Variants in CCBE1 observed in about 807,000 individuals in gnomAD.
The protein encoded by CCBE1 is collagen and calcium binding EGF domains 1, also known as collagen and calcium-binding EGF domain-containing protein 1.
In CCBE1, 37 loss-of-function variants were observed where a neutral mutation model predicts 50.0. The observed-to-expected ratio is 0.74, with a 90% CI of 0.57 to 0.97. The LOEUF is 0.97. Among genes scored for constraint, CCBE1 ranks in the 50% least tolerant of loss-of-function variants. The pLI, the probability that CCBE1 is intolerant of heterozygous loss-of-function variation, is 0.00. For synonymous variants in CCBE1, 234 were observed against 203.7 expected (o/e 1.15, Z -1.27); for missense variants, 538 against 523.8 (o/e 1.03, Z -0.26).
intron 2 of CCBE1, among the ~76,000 whole-genome samples, chr18:59,484,553 C>G (rs1447304422): frequency 6.6e-6 from 1 of 152,218 alleles, no homozygotes; most frequent in Non-Finnish European, 1.5e-5. Context: ...GAGTAAGAAG[C>G]AACCTGTCAT....
At chr18:59,460,110 C>T (rs1183741342) in intron 5 of CCBE1, among the ~76,000 whole-genome samples, 5 of 152,178 alleles carry the variant, frequency 3.3e-5, no homozygotes, top group South Asian at 4.1e-4. Flanking sequence ...AAACTGGCTC[C>T]GGCTACATAT....
rs141490359 is a variant in CCBE1 at position 59,531,573 on chromosome 18, T to A, written c.213-51335A>T. On this transcript the variant is annotated intron_variant, in intron 2 of 10. Coordinates refer to ENST00000439986, the MANE Select transcript of CCBE1 (RefSeq NM_133459.4). Reference sequence around the variant, plus strand: ...GACCAGCCTGGGCAACACAGCGAGATCCTATCTCTACAAAAAATTTAAAAA... The same window carrying A: ...GACCAGCCTGGGCAACACAGCGAGAACCTATCTCTACAAAAAATTTAAAAA... Among the ~76,000 whole-genome samples the A allele has an allele frequency of 2.3e-3, 345 of 152,030 alleles. 7 individuals are homozygous for A. In the East Asian group the frequency reaches 0.052, roughly 23 times the overall value.
chr18:59,493,740 AG>A (rs1913220319), intron 2 of CCBE1, among the ~76,000 whole-genome samples: 1 of 152,186 alleles, frequency 6.6e-6, no homozygotes. Flanking sequence ...GGATATGCTT[AG>A]TGGTATGGTT....
intron 2 of CCBE1, among the ~76,000 whole-genome samples, chr18:59,515,529 A>G (rs1271352002): frequency 6.6e-6 from 1 of 152,212 alleles, no homozygotes; most frequent in Admixed American, 6.5e-5. Flanking sequence ...AACGCACGAT[A>G]TTTTGAGTCT....
intron 2 of CCBE1, among the ~76,000 whole-genome samples, chr18:59,510,689 T>C (rs1914093756): frequency 6.6e-6 from 1 of 152,216 alleles, no homozygotes; most frequent in African/African-American, 2.4e-5. Context: ...CCCAAAGTGC[T>C]GGGATTACAG....
intron 5 of CCBE1, chr18:59,459,113 G>T (rs1422132487): frequency 6.6e-6 from 1 of 152,190 alleles, no homozygotes; most frequent in African/African-American, 2.4e-5. Flanking sequence ...ACAGTGCCCA[G>T]CTTATGTTAA....
intron 2 of CCBE1, among the ~76,000 whole-genome samples, chr18:59,692,952 C>CAA (rs1329724694): frequency 2.9e-5 from 3 of 105,016 alleles, no homozygotes; most frequent in African/African-American, 3.9e-5. Context: ...TTTGTCAAGC[C>CAA]AAAGCACACA....
intron 7 of CCBE1, among the ~76,000 whole-genome samples, chr18:59,441,937 G>C (rs757541737): frequency 2.0e-5 from 3 of 152,204 alleles, no homozygotes; most frequent in Non-Finnish European, 2.9e-5. Context: ...TCTGCATAGA[G>C]AATAAAGCTC....
chr18:59,507,277 C>G (rs1232885174), intron 2 of CCBE1, among the ~76,000 whole-genome samples: 1 of 152,220 alleles, frequency 6.6e-6, no homozygotes, highest in African/African-American at 2.4e-5. Flanking sequence ...TCAGTTTTAA[C>G]ATGCTGCTTC....
intron 2 of CCBE1, among the ~76,000 whole-genome samples, chr18:59,601,072 C>T (rs2053425646): frequency 8.7e-6 from 1 of 114,480 alleles, no homozygotes; most frequent in African/African-American, 3.3e-5. Flanking sequence ...CACTCTGTCT[C>T]CCAGGCTGGA....
rs535564575 is a variant in CCBE1, at chr18:59,683,696, T to A, written c.212+12933A>T. ...CTGGGTGACAGAGTGAGACTCCATC[T>A]CAAAAAAAGAGAGGAAAGAAAGGAA... On this transcript the variant is annotated intron_variant, in intron 2 of 10. Transcript: ENST00000439986. 5.8e-5 allele frequency among the ~76,000 whole-genome samples: 7 copies of A among 121,006 alleles called. No homozygotes were observed. The South Asian group carries it at 1.8e-3, about 30-fold the overall frequency. The allele number at this position is 121,006 out of a possible 152,430, so 79.4% of individuals were successfully genotyped here.
At chr18:59,669,582 C>T (rs1233854055) in intron 2 of CCBE1, among the ~76,000 whole-genome samples, 1 of 152,244 alleles carries the variant, frequency 6.6e-6, no homozygotes, top group Non-Finnish European at 1.5e-5. Context: ...TGGCTCCAGG[C>T]TGTCCCTGTG....
intron 2 of CCBE1, among the ~76,000 whole-genome samples, chr18:59,592,854 C>A (rs995371160): frequency 6.6e-6 from 1 of 151,740 alleles, no homozygotes; most frequent in African/African-American, 2.4e-5. Context: ...TTGTAGGAAC[C>A]AATACAGGTC....
chr18:59,518,740 G>A (rs559935202), intron 2 of CCBE1, among the ~76,000 whole-genome samples: 1 of 152,312 alleles, frequency 6.6e-6, no homozygotes, highest in African/African-American at 2.4e-5. Flanking sequence ...TTCCATGTTT[G>A]TGGGGCCAAC....
intron 2 of CCBE1, among the ~76,000 whole-genome samples, chr18:59,490,774 T>C (rs961786885): frequency 1.3e-5 from 2 of 152,360 alleles, no homozygotes; most frequent in East Asian, 3.9e-4. Context: ...TATCATTTAG[T>C]AGGATATTCA....
chr18:59,638,094 T>C (rs915794223), intron 2 of CCBE1, among the ~76,000 whole-genome samples: 1 of 152,214 alleles, frequency 6.6e-6, no homozygotes, highest in Non-Finnish European at 1.5e-5. Flanking sequence ...TTTCTCACCA[T>C]GTACAAGAAA....
chr18:59,492,662 G>A (rs72962156), intron 2 of CCBE1, among the ~76,000 whole-genome samples: 47 of 152,250 alleles, frequency 3.1e-4, no homozygotes, highest in Middle Eastern at 6.8e-3. Context: ...GACACCACTC[G>A]GTTGTGCATA....
chr18:59,612,152 C>A (rs1315678090), intron 2 of CCBE1, among the ~76,000 whole-genome samples: 69 of 152,222 alleles, frequency 4.5e-4, no homozygotes, highest in Non-Finnish European at 1.2e-4. Flanking sequence ...GCCACTGGGG[C>A]AAATCTCAAG....
chr18:59,470,609 C>G (rs1194643340), intron 3 of CCBE1, among the ~76,000 whole-genome samples: 1 of 152,068 alleles, frequency 6.6e-6, no homozygotes, highest in Non-Finnish European at 1.5e-5. Context: ...GGATACACTG[C>G]TACTCATAAA....
Sources: allele counts gnomAD v4.1 joint callset (sites outside exome capture counted in the v4.1 genomes callset), GRCh38; gene constraint gnomAD v4.1.1; transcripts MANE v1.5; gene names NCBI Gene and HGNC (gene_info 2026-07-23, HGNC 2026-07-21).